SUPT3H: variants seen among roughly 807,000 people sequenced by gnomAD.
The protein encoded by SUPT3H is SPT3 homolog, SAGA and STAGA complex component.
A neutral mutation model predicts 44.3 loss-of-function variants in SUPT3H; 44 were observed. The observed-to-expected ratio is 0.99, with a 90% CI of 0.78 to 1.28. The LOEUF (loss-of-function observed/expected upper bound fraction) is 1.28, where lower values mean the gene tolerates loss of function less well. SUPT3H is among the 50% of genes most tolerant of loss of function. SUPT3H has a pLI of 0.00. For synonymous variants in SUPT3H, 124 were observed against 125.6 expected (o/e 0.99, Z 0.09); for missense variants, 380 against 387.1 (o/e 0.98, Z 0.15).
chr6:45,259,071 G>A (rs150300586), intron 2 of SUPT3H, among the ~76,000 whole-genome samples: 14 of 151,682 alleles, frequency 9.2e-5, no homozygotes, highest in African/African-American at 2.4e-4. Flanking sequence ...AAATTTTTTC[G>A]GTACTTTTTA....
chr6:45,193,501 A>G (rs1474232769), intron 2 of SUPT3H, among the ~76,000 whole-genome samples: 2 of 152,148 alleles, frequency 1.3e-5, no homozygotes, highest in Non-Finnish European at 2.9e-5. Flanking sequence ...GGCCAAGCAG[A>G]GTCAGTGTTC....
intron 2 of SUPT3H, among the ~76,000 whole-genome samples, chr6:45,240,305 T>C (rs1770046181): frequency 6.6e-6 from 1 of 152,184 alleles, no homozygotes; most frequent in South Asian, 2.1e-4. Context: ...AGTAATTTAA[T>C]GATAGCTATG....
At chr6:45,103,645 G>T (rs1341704486) in intron 3 of SUPT3H, among the ~76,000 whole-genome samples, 1 of 152,048 alleles carries the variant, frequency 6.6e-6, no homozygotes, top group Non-Finnish European at 1.5e-5. Context: ...AGAAAAAGGG[G>T]CAGAAAAAGT....
At chr6:45,141,338 C>CAAAAAA (rs1162738855) in intron 2 of SUPT3H, among the ~76,000 whole-genome samples, 1,711 of 44,068 alleles carry the variant, frequency 0.039, 9 homozygotes, top group Non-Finnish European at 0.045. Flanking sequence ...GACTCCATCT[C>CAAAAAA]AAAAAAAAAA....
At chr6:45,199,322 T>C (rs1302390693) in intron 2 of SUPT3H, among the ~76,000 whole-genome samples, 1 of 151,226 alleles carries the variant, frequency 6.6e-6, no homozygotes, top group Non-Finnish European at 1.5e-5. Flanking sequence ...AACTTAAAAT[T>C]ATATACAAAT....
At chr6:44,905,401 C>CAA (rs1562013650) in intron 10 of SUPT3H, among the ~76,000 whole-genome samples, 6 of 149,934 alleles carry the variant, frequency 4.0e-5, no homozygotes, top group East Asian at 2.0e-4. Context: ...TTTATGCAGC[C>CAA]GAAAGACACA....
intron 2 of SUPT3H, among the ~76,000 whole-genome samples, chr6:45,184,600 C>G (rs180836666): frequency 2.0e-5 from 3 of 152,034 alleles, no homozygotes; most frequent in Non-Finnish European, 4.4e-5. Flanking sequence ...CACAACACAA[C>G]AAGAAAAGCA....
intron 2 of SUPT3H, among the ~76,000 whole-genome samples, chr6:45,221,541 T>C (rs1010753010): frequency 2.0e-5 from 3 of 152,142 alleles, no homozygotes; most frequent in Non-Finnish European, 4.4e-5. Context: ...ACAAGAGTTA[T>C]ATACTCAAAA....
intron 2 of SUPT3H, among the ~76,000 whole-genome samples, chr6:45,307,782 G>A (rs10948224): frequency 0.23 from 34,603 of 152,162 alleles, 4,622 homozygotes; most frequent in Non-Finnish European, 0.31. Context: ...TGACTTTGAC[G>A]AGTTGAGAGA....
chr6:45,121,521 G>T lies in SUPT3H; in HGVS notation c.102-15515C>A, dbSNP rs867495994. On this transcript the variant is annotated intron_variant, in intron 2 of 10. Transcript: ENST00000371459. Reference sequence around the variant, plus strand: ...TTCAAAACCCTATGAAATTATGTGGGGGGGGGGGTGGATTATCTAAGTATA... The same window carrying T: ...TTCAAAACCCTATGAAATTATGTGGTGGGGGGGGTGGATTATCTAAGTATA... Among the ~76,000 whole-genome samples, 397 of 151,290 alleles carry T rather than the reference G, an allele frequency of 2.6e-3. 3 individuals carry two copies. The highest frequency in any genetic ancestry group is 8.8e-3 in the African/African-American group (363 of 41,042).
At chr6:44,902,128 T>A (rs1028345329) in intron 10 of SUPT3H, among the ~76,000 whole-genome samples, 1 of 152,032 alleles carries the variant, frequency 6.6e-6, no homozygotes, top group Non-Finnish European at 1.5e-5. Context: ...ACGAGCAAAA[T>A]CACCAGCTAA....
At chr6:45,102,309 G>A (rs1798693018) in intron 3 of SUPT3H, among the ~76,000 whole-genome samples, 2 of 151,938 alleles carry the variant, frequency 1.3e-5, no homozygotes, top group African/African-American at 4.8e-5. Flanking sequence ...AGAGGAAAAC[G>A]TACAAGTTTA....
chr6:45,033,695 A>G (rs1787288589), intron 3 of SUPT3H, among the ~76,000 whole-genome samples: 2 of 152,160 alleles, frequency 1.3e-5, no homozygotes, highest in Non-Finnish European at 2.9e-5. Flanking sequence ...ACATCTTTCT[A>G]AAGTTGCACA....
chr6:45,300,265 A>G lies in SUPT3H; in HGVS notation c.101+64936T>C, dbSNP rs2149919030. Among the ~76,000 whole-genome samples, 2 of 152,344 alleles carry G rather than the reference A, an allele frequency of 1.3e-5. 1 individual carries two copies. Among genetic ancestry groups the G allele is most frequent in the South Asian group, 4.1e-4 (2 of 4,828 alleles). On this transcript the variant is annotated intron_variant, in intron 2 of 10. Transcript: ENST00000371459. ...AATCCGATTTCAGTTTGAATCGTAC[A>G]TCACAAGTAAAGGCATCTATACAGT...
At chr6:45,146,099 AAC>A (rs1398713238) in intron 2 of SUPT3H, among the ~76,000 whole-genome samples, 1 of 152,138 alleles carries the variant, frequency 6.6e-6, no homozygotes, top group Non-Finnish European at 1.5e-5. Context: ...CACTATGGAA[AAC>A]AGTGTGGAGA....
At chr6:44,932,149 C>A (rs1010986584) in intron 10 of SUPT3H, among the ~76,000 whole-genome samples, 4 of 152,056 alleles carry the variant, frequency 2.6e-5, no homozygotes, top group African/African-American at 4.8e-5. Context: ...CCCATTAAAA[C>A]AACACAAAAC....
At chr6:44,932,325 T>C (rs920368091) in intron 10 of SUPT3H, among the ~76,000 whole-genome samples, 3 of 152,322 alleles carry the variant, frequency 2.0e-5, no homozygotes, top group Admixed American at 2.0e-4. Flanking sequence ...TTTTAAAATA[T>C]AAAGTGCTAC....
At chr6:45,079,891 A>C (rs1318594371) in intron 3 of SUPT3H, among the ~76,000 whole-genome samples, 5 of 152,260 alleles carry the variant, frequency 3.3e-5, no homozygotes, top group Non-Finnish European at 5.9e-5. Flanking sequence ...TGGACTGGAC[A>C]AAGATTTCTT....
chr6:45,064,895 G>C (rs1203967263), intron 3 of SUPT3H, among the ~76,000 whole-genome samples: 28 of 141,314 alleles, frequency 2.0e-4, no homozygotes, highest in African/African-American at 6.8e-4. Flanking sequence ...ACATTAGACA[G>C]ATCAACGAGA....
Sources: allele counts gnomAD v4.1 joint callset (sites outside exome capture counted in the v4.1 genomes callset), GRCh38; gene constraint gnomAD v4.1.1; transcripts MANE v1.5; gene names NCBI Gene and HGNC (gene_info 2026-07-23, HGNC 2026-07-21).